The following FRAS1 variants were observed in gnomAD, a reference collection of about 807,000 sequenced individuals.
FRAS1 encodes Fraser extracellular matrix complex subunit 1, also known as extracellular matrix organizing protein FRAS1.
In FRAS1, 290 loss-of-function variants were observed where a neutral mutation model predicts 435.2. That is an observed-to-expected ratio of 0.67 (90% CI 0.61 to 0.73). The LOEUF (loss-of-function observed/expected upper bound fraction) is 0.73. FRAS1 is among the 30% of genes least tolerant of loss of function. FRAS1 has a pLI of 0.00. For missense variants in FRAS1, 4,860 were observed against 5,001.5 expected (o/e 0.97, Z 0.85); for synonymous variants, 1,800 against 1,851.0 (o/e 0.97, Z 0.71).
intron 71 of FRAS1, among the ~76,000 whole-genome samples, chr4:78,536,351 C>T (rs1351269769): frequency 6.6e-6 from 1 of 152,116 alleles, no homozygotes; most frequent in Non-Finnish European, 1.5e-5. Context: ...ATTTCTGTAC[C>T]TGGTTTCATG....
intron 67 of FRAS1, among the ~76,000 whole-genome samples, chr4:78,520,081 G>A (rs982542503): frequency 6.6e-6 from 1 of 151,812 alleles, no homozygotes; most frequent in Admixed American, 6.6e-5. Flanking sequence ...GAACTAAGTG[G>A]GAGGCAGCCC....
intron 15 of FRAS1, among the ~76,000 whole-genome samples, chr4:78,312,936 G>A (rs542569520): frequency 4.6e-5 from 7 of 152,108 alleles, no homozygotes; most frequent in African/African-American, 1.7e-4. Context: ...TATTACATTG[G>A]AGTTATAGAT....
rs147137228 is a variant in FRAS1 at position 78,098,206 on chromosome 4, C to G, written c.108+32190C>G. 5.2e-4 allele frequency among the ~76,000 whole-genome samples: 79 copies of G among 151,920 alleles called. 1 individual carries two copies. The highest frequency in any genetic ancestry group is 3.5e-3 in the Middle Eastern group (1 of 284). On this transcript the variant is annotated intron_variant, in intron 2 of 73. Transcript: ENST00000512123. ...CTTTTTCCCCATGTCTCTCCTCCCA[C>G]TGTTTTCTTGCCACTCTGGGTTCCC...
chr4:78,197,450 C>A (rs977833340), intron 2 of FRAS1, among the ~76,000 whole-genome samples: 3 of 152,066 alleles, frequency 2.0e-5, no homozygotes, highest in Non-Finnish European at 4.4e-5. Context: ...ATCTTTATTT[C>A]TCTGAGGGAG....
intron 20 of FRAS1, among the ~76,000 whole-genome samples, chr4:78,358,996 A>C (rs1395241130): frequency 6.6e-6 from 1 of 152,214 alleles, no homozygotes; most frequent in Non-Finnish European, 1.5e-5. Context: ...CTAAAAGAAA[A>C]AATGTCATCG....
intron 2 of FRAS1, among the ~76,000 whole-genome samples, chr4:78,079,643 G>T (rs896167616): frequency 2.0e-5 from 3 of 152,008 alleles, no homozygotes; most frequent in African/African-American, 2.4e-5. Flanking sequence ...CTTTCTTCTG[G>T]GTTGGCAGCC....
At position 78,448,206 on chromosome 4, in the gene FRAS1, C is replaced by T. The variant is rs751671013; in HGVS notation, c.6164C>T (p.Ser2055Phe). The T allele has an allele frequency of 6.2e-7, 1 of 1,613,472 alleles. No individual in the cohort carries two copies. Among genetic ancestry groups the T allele is most frequent in the South Asian group, 1.1e-5 (1 of 91,028 alleles). Residue 2055 changes from serine (S) to phenylalanine (F), a missense_variant, in exon 44 of 74, where the codon TCC becomes TTC. Coordinates refer to ENST00000512123, the MANE Select transcript of FRAS1 (RefSeq NM_025074.7). The stretch of plus-strand genomic sequence containing the variant: ...ATGGTCGTGGATGAGTTCCAGTTCT[C>T]CCTCACTGATGGCCTCCACGTGGAC... ...PGMVVDEFQF[S>F]LTDGLHVDTG...
At chr4:78,393,637 A>G (rs1732538972) in intron 29 of FRAS1, among the ~76,000 whole-genome samples, 1 of 152,032 alleles carries the variant, frequency 6.6e-6, no homozygotes, top group Non-Finnish European at 1.5e-5. Flanking sequence ...GCTGAATAAT[A>G]TTCCACTATA....
chr4:78,077,266 C>T (rs80216572), intron 2 of FRAS1, among the ~76,000 whole-genome samples: 4,563 of 152,016 alleles, frequency 0.03, 174 homozygotes, highest in East Asian at 0.21. Context: ...GCTACTTGGG[C>T]GGCTGAGGTG....
At chr4:78,503,623 G>T in intron 61 of FRAS1, among the ~76,000 whole-genome samples, 1 of 151,982 alleles carries the variant, frequency 6.6e-6, no homozygotes, top group Non-Finnish European at 1.5e-5. Context: ...TATTAGTTTT[G>T]CTAGTGGTCA....
At chr4:78,452,459 A>G (rs1719055940) in intron 47 of FRAS1, 105 bp downstream of exon 47, 1 of 866,502 alleles carries the variant, frequency 1.2e-6, no homozygotes, top group African/African-American at 1.7e-5. Context: ...GCCTTAATTC[A>G]TATTTATTTT....
At chr4:78,430,120 C>G (rs1051252049) in intron 36 of FRAS1, among the ~76,000 whole-genome samples, 172 bp from the exon 37 acceptor site, 3 of 152,182 alleles carry the variant, frequency 2.0e-5, no homozygotes, top group Non-Finnish European at 4.4e-5. Context: ...TAGGAATTGA[C>G]TGTATTATCT....
intron 2 of FRAS1, chr4:78,181,769 T>C: frequency 6.2e-7 from 1 of 1,610,784 alleles, no homozygotes; most frequent in African/African-American, 1.3e-5. Context: ...CTGCGTCTCC[T>C]CTTTCTTGTC....
At chr4:78,491,300 C>A (rs1720344612) in intron 59 of FRAS1, among the ~76,000 whole-genome samples, 2 of 152,156 alleles carry the variant, frequency 1.3e-5, no homozygotes, top group South Asian at 4.1e-4. Context: ...CTTCCTAATT[C>A]ATTTTATGAG....
intron 26 of FRAS1, among the ~76,000 whole-genome samples, chr4:78,378,876 G>A (rs1731891670): frequency 6.6e-6 from 1 of 152,026 alleles, no homozygotes; most frequent in Non-Finnish European, 1.5e-5. Context: ...ACATTTTGAT[G>A]ATGTCCATTT....
intron 28 of FRAS1, among the ~76,000 whole-genome samples, chr4:78,386,654 G>A (rs978341958): frequency 6.6e-6 from 1 of 151,986 alleles, no homozygotes; most frequent in African/African-American, 2.4e-5. Flanking sequence ...TTTGGCTTCT[G>A]GCCTCAATTT....
intron 34 of FRAS1, 78 bp from the exon 35 acceptor site, chr4:78,424,310 C>T (rs1190128708): frequency 2.3e-5 from 15 of 661,016 alleles, no homozygotes; most frequent in Non-Finnish European, 3.5e-5. Flanking sequence ...CTAACCTCTG[C>T]CCTTTGTTTT....
At chr4:78,305,842 G>A in intron 14 of FRAS1, among the ~76,000 whole-genome samples, 1 of 151,344 alleles carries the variant, frequency 6.6e-6, no homozygotes, top group Non-Finnish European at 1.5e-5. Flanking sequence ...TCTTTTAATT[G>A]GAGCATTTAG....
intron 1 of FRAS1, among the ~76,000 whole-genome samples, chr4:78,062,729 C>T (rs535423704): frequency 4.5e-4 from 69 of 152,268 alleles, no homozygotes; most frequent in African/African-American, 1.4e-3. Context: ...AAATTTTATG[C>T]AGTAACGTTT....
Sources: allele counts gnomAD v4.1 joint callset (sites outside exome capture counted in the v4.1 genomes callset), GRCh38; gene constraint gnomAD v4.1.1; transcripts MANE v1.5; gene names NCBI Gene and HGNC (gene_info 2026-07-23, HGNC 2026-07-21).